The following CNTNAP5 variants were observed in gnomAD, a reference collection of about 807,000 sequenced individuals.
The protein encoded by CNTNAP5 is contactin associated protein family member 5.
CNTNAP5 carries 72 observed loss-of-function variants against 150.2 expected under a neutral mutation model. That is an observed-to-expected ratio of 0.48 (90% confidence interval 0.40 to 0.58). CNTNAP5 has a LOEUF of 0.58. Ranked by LOEUF, CNTNAP5 falls within the 20% of genes least tolerant of loss-of-function variation. The probability of loss-of-function intolerance (pLI) is 0.00; values close to 1 mark genes in which losing one functional copy is unlikely to be tolerated. For synonymous variants in CNTNAP5, 672 were observed against 619.8 expected (o/e 1.08, Z -1.25); for missense variants, 1,636 against 1,626.2 (o/e 1.01, Z -0.10).
intron 19 of CNTNAP5, among the ~76,000 whole-genome samples, chr2:124,858,170 C>T: frequency 6.6e-6 from 1 of 152,174 alleles, no homozygotes; most frequent in Non-Finnish European, 1.5e-5. Flanking sequence ...TCTCTCACCA[C>T]TCCTATTCAA....
chr2:124,500,942 C>G (rs72968725), intron 7 of CNTNAP5, among the ~76,000 whole-genome samples: 1 of 152,066 alleles, frequency 6.6e-6, no homozygotes, highest in Non-Finnish European at 1.5e-5. Context: ...GAGGAGCCCA[C>G]GGTTCAACTG....
At chr2:124,797,809 T>C (rs1191946451) in intron 18 of CNTNAP5, among the ~76,000 whole-genome samples, 1 of 152,248 alleles carries the variant, frequency 6.6e-6, no homozygotes, top group Non-Finnish European at 1.5e-5. Context: ...ATTTTGCAGA[T>C]GTATGTAGAG....
chr2:124,758,868 C>T (rs1680897329), intron 14 of CNTNAP5, among the ~76,000 whole-genome samples: 1 of 152,082 alleles, frequency 6.6e-6, no homozygotes. Flanking sequence ...GGGAGGATTG[C>T]TCAAGCCAAG....
chr2:124,163,233 C>T (rs1684727619), intron 1 of CNTNAP5, among the ~76,000 whole-genome samples: 1 of 152,136 alleles, frequency 6.6e-6, no homozygotes, highest in Non-Finnish European at 1.5e-5. Flanking sequence ...TCCCACCCAT[C>T]AGTGTTTGAT....
chr2:124,045,093 C>A (rs1329335013), intron 1 of CNTNAP5, among the ~76,000 whole-genome samples: 1 of 152,106 alleles, frequency 6.6e-6, no homozygotes, highest in African/African-American at 2.4e-5. Flanking sequence ...ATGTCTCTGG[C>A]TCCAAAATGT....
intron 1 of CNTNAP5, among the ~76,000 whole-genome samples, chr2:124,138,359 A>G (rs958517027): frequency 6.6e-6 from 1 of 152,220 alleles, no homozygotes; most frequent in Admixed American, 6.5e-5. Flanking sequence ...ACTGTTATCA[A>G]TATCCTGTTT....
intron 13 of CNTNAP5, among the ~76,000 whole-genome samples, chr2:124,714,808 T>A (rs1269944910): frequency 6.6e-6 from 1 of 152,098 alleles, no homozygotes; most frequent in Non-Finnish European, 1.5e-5. Context: ...TATACATTTT[T>A]TACTTGCTAA....
chr2:124,367,343 C>A (rs6727156), intron 3 of CNTNAP5, among the ~76,000 whole-genome samples: 29,715 of 151,984 alleles, frequency 0.2, 3,125 homozygotes, highest in African/African-American at 0.28. Context: ...CCTCAGGAAA[C>A]TTACAATTAT....
At chr2:124,455,863 A>T (rs1693106017) in intron 6 of CNTNAP5, among the ~76,000 whole-genome samples, 1 of 152,194 alleles carries the variant, frequency 6.6e-6, no homozygotes. Context: ...AAAATGCAGG[A>T]TCCCTTTATG....
chr2:124,157,255 T>G (rs1043892791), intron 1 of CNTNAP5, among the ~76,000 whole-genome samples: 1 of 152,180 alleles, frequency 6.6e-6, no homozygotes, highest in East Asian at 1.9e-4. Flanking sequence ...TGAGTTTTTA[T>G]TTTCCAGTGC....
intron 11 of CNTNAP5, among the ~76,000 whole-genome samples, chr2:124,568,477 C>T (rs1037301518): frequency 5.3e-5 from 8 of 152,256 alleles, no homozygotes; most frequent in Middle Eastern, 3.4e-3. Flanking sequence ...AAATGAGATT[C>T]CTATAAAGCA....
At chr2:124,267,566 C>A (rs1687641920) in intron 3 of CNTNAP5, among the ~76,000 whole-genome samples, 1 of 152,078 alleles carries the variant, frequency 6.6e-6, no homozygotes, top group Admixed American at 6.5e-5. Flanking sequence ...GTCTTTAGGG[C>A]TTCAGCTCCT....
intron 1 of CNTNAP5, among the ~76,000 whole-genome samples, chr2:124,197,048 C>T (rs1341113878): frequency 1.3e-5 from 2 of 152,212 alleles, no homozygotes; most frequent in African/African-American, 4.8e-5. Flanking sequence ...CTTTCCTTCA[C>T]ATGTTACATG....
chr2:124,698,694 G>T (rs532694216), intron 13 of CNTNAP5, among the ~76,000 whole-genome samples: 1 of 152,118 alleles, frequency 6.6e-6, no homozygotes, highest in South Asian at 2.1e-4. Context: ...GTCCAGGCAG[G>T]TGCTTTCCAC....
At chr2:124,325,420 C>G (rs983882247) in intron 3 of CNTNAP5, among the ~76,000 whole-genome samples, 1 of 152,160 alleles carries the variant, frequency 6.6e-6, no homozygotes, top group Non-Finnish European at 1.5e-5. Flanking sequence ...GGTATCATTA[C>G]CACTAATGTG....
intron 13 of CNTNAP5, among the ~76,000 whole-genome samples, chr2:124,710,073 C>A (rs143056778): frequency 6.6e-6 from 1 of 151,992 alleles, no homozygotes; most frequent in African/African-American, 2.4e-5. Context: ...AGATGGTCAT[C>A]GAAGCTGGAA....
In CNTNAP5 at chr2:124,081,379, A is replaced by G. The variant is rs949463846; in HGVS notation, c.82+55647A>G. 6.6e-5 allele frequency among the ~76,000 whole-genome samples: 10 copies of G among 152,300 alleles called. No individual in the cohort carries two copies. The East Asian group carries it at 9.7e-4, about 15-fold the overall frequency. Reference sequence around the variant, plus strand: ...TTTCTTCCTCAGGGGAAATATCTATAACTTCCTTAACTGTTTCTTATGTGA... The same window carrying G: ...TTTCTTCCTCAGGGGAAATATCTATGACTTCCTTAACTGTTTCTTATGTGA... On this transcript the variant is annotated intron_variant, in intron 1 of 23. Coordinates refer to ENST00000682447, the MANE Select transcript of CNTNAP5 (RefSeq NM_001367498.1).
In CNTNAP5 at chr2:124,609,804, T is replaced by A. The variant is rs368853888; in HGVS notation, c.1760T>A (p.Ile587Asn). ...TCTGCTGCCTTTGTCTTTCCAGCCA[T>A]CTACGAGCAATCCTGCGAGGTGTAC... ...SYTGATCHNS[I>N]YEQSCEVYRH... The change falls in exon 12 of 24, where the codon ATC (isoleucine) becomes AAC (asparagine). Residue 587 changes from isoleucine (I) to asparagine (N), a missense_variant. Coordinates refer to ENST00000682447, the MANE Select transcript of CNTNAP5 (RefSeq NM_001367498.1). The A allele has an allele frequency of 1.4e-5, 23 of 1,613,564 alleles. No homozygotes were observed. Among genetic ancestry groups the A allele is most frequent in the Middle Eastern group, 1.6e-4 (1 of 6,082 alleles).
chr2:124,210,667 G>A (rs921962433), intron 1 of CNTNAP5, among the ~76,000 whole-genome samples: 2 of 152,082 alleles, frequency 1.3e-5, no homozygotes, highest in African/African-American at 4.8e-5. Flanking sequence ...AGAAATTGAA[G>A]CAAACTTTCT....
Sources: gnomAD v4.1 joint callset for allele counts (sites outside exome capture counted in the v4.1 genomes callset) on GRCh38, gnomAD v4.1.1 for gene constraint, MANE v1.5 for transcripts, NCBI Gene and HGNC (gene_info 2026-07-23, HGNC 2026-07-21) for gene names.